SHANK2: variants seen among roughly 807,000 people sequenced by gnomAD.
The protein encoded by SHANK2 is SH3 and multiple ankyrin repeat domains protein 2.
A neutral mutation model predicts 133.7 loss-of-function variants in SHANK2; 43 were observed. That is an observed-to-expected ratio of 0.32 (90% confidence interval 0.25 to 0.41). SHANK2 has a LOEUF of 0.41. SHANK2 is among the 10% of genes least tolerant of loss of function. The pLI is 1.00. For synonymous variants in SHANK2, 1,017 were observed against 952.8 expected (o/e 1.07, Z -1.24); for missense variants, 1,994 against 2,235.8 (o/e 0.89, Z 2.18).
chr11:70,745,081 C>T (rs782053876), intron 14 of SHANK2, among the ~76,000 whole-genome samples: 1 of 152,254 alleles, frequency 6.6e-6, no homozygotes, highest in South Asian at 2.1e-4. Context: ...CGGCCAGGAC[C>T]TCCTCATCAA....
chr11:70,486,696 C>A lies in SHANK2; in HGVS notation c.3597G>T (p.Gly1199=). The A allele has an allele frequency of 6.2e-7, 1 of 1,610,942 alleles. No homozygotes were observed. The highest frequency in any genetic ancestry group is 8.5e-7 in the Non-Finnish European group (1 of 1,179,956). ...GCCCTGTGAGTGGGTGGACATAATT[C>A]CCGGGGCCGGCTGTGCCGCTGCTCG... ...PSASSGTAGP[G]NYVHPLTGRL... Residue 1199 remains glycine, a synonymous_variant, in exon 25 of 26, where the codon GGG becomes GGT. Transcript: ENST00000601538. The surrounding 1 kb of genome is among the most constrained non-coding windows in gnomAD (Gnocchi z 8.0).
chr11:70,673,995 T>C (rs4384400), intron 15 of SHANK2, among the ~76,000 whole-genome samples: 147,674 of 152,360 alleles, frequency 0.97, 71,587 homozygotes, highest in East Asian at 1. Context: ...CTGTTTGGGT[T>C]ATGGGAGTGG....
intron 14 of SHANK2, among the ~76,000 whole-genome samples, chr11:70,701,202 CTA>C (rs1210383185): frequency 1.3e-5 from 2 of 151,910 alleles, no homozygotes; most frequent in Non-Finnish European, 2.9e-5. Flanking sequence ...GAAAAAAAGA[CTA>C]TTTCAGTAAA....
In SHANK2 at chr11:71,075,163, T is replaced by C. The variant is rs928197952; in HGVS notation, c.1025A>G (p.Asn342Ser). The C allele has an allele frequency of 9.1e-5, 20 of 218,654 alleles. No homozygotes were observed. In the East Asian group the frequency reaches 2.0e-3, roughly 22 times the overall value. 13.5% of individuals were successfully genotyped at this position (218,654 alleles called of 1,614,324 possible). A position where few individuals can be genotyped will look rare whatever the true frequency, so the allele number is the denominator to read the frequency against. The change falls in exon 9 of 26, where the codon AAC becomes AGC. Residue 342 changes from asparagine (N) to serine (S), a missense_variant. Transcript: ENST00000601538. ...NTALHICALYNQDSCARVLLF... is the reference protein window; with the variant it reads ...NTALHICALYSQDSCARVLLF... ...TTAAATGCGCTCAGCACTCACCTGG[T>C]TGTAGAGGGCGCAGATGTGCAAGGC...
chr11:70,946,323 A>C (rs376197533), intron 10 of SHANK2, among the ~76,000 whole-genome samples: 3 of 143,022 alleles, frequency 2.1e-5, no homozygotes, highest in Admixed American at 6.9e-5. Context: ...CCACTAACCA[A>C]CACTTCCCAG....
intron 10 of SHANK2, among the ~76,000 whole-genome samples, chr11:71,056,223 G>A (rs1031393855): frequency 1.3e-4 from 20 of 152,298 alleles, no homozygotes; most frequent in African/African-American, 3.4e-4. Context: ...CCTTTCCGGC[G>A]CTGACTGCTG....
chr11:70,774,699 T>A lies in SHANK2; in HGVS notation c.1777+23744A>T, dbSNP rs34662590. On this transcript the variant is annotated intron_variant, in intron 14 of 25. Transcript: ENST00000601538. ...AGAGAGTGGTGATGTTTGCACAATC[T>A]CGTGAATATGCAAAAAGCCACTTAA... Among the ~76,000 whole-genome samples the A allele has an allele frequency of 1.1e-3, 167 of 152,168 alleles. 2 individuals are homozygous for A. Among genetic ancestry groups the A allele is most frequent in the Admixed American group, 2.2e-3 (33 of 15,282 alleles).
chr11:71,059,996 C>G lies in SHANK2; in HGVS notation c.1030-3438G>C, dbSNP rs1314065173. 5.9e-5 allele frequency among the ~76,000 whole-genome samples: 9 copies of G among 152,264 alleles called. No homozygotes were observed. In the East Asian group the frequency reaches 1.4e-3, roughly 23 times the overall value. On this transcript the variant is annotated intron_variant, in intron 9 of 25. Transcript: ENST00000601538. ...CCACAGACCGTGCTGAGTGTTCTGTCCCACTGCCCTACAGGAAGGTCAGGT... is the reference window on the plus strand; with the variant it reads ...CCACAGACCGTGCTGAGTGTTCTGTGCCACTGCCCTACAGGAAGGTCAGGT...
chr11:70,925,228 A>G (rs564204166), intron 10 of SHANK2, among the ~76,000 whole-genome samples: 6 of 152,272 alleles, frequency 3.9e-5, no homozygotes, highest in African/African-American at 1.2e-4. Flanking sequence ...TATATGCCCT[A>G]TTTCATCAGC....
At chr11:71,135,192 C>T (rs527816491) in intron 3 of SHANK2, among the ~76,000 whole-genome samples, 9 of 152,242 alleles carry the variant, frequency 5.9e-5, no homozygotes, top group South Asian at 4.1e-4. Flanking sequence ...CAGCCATTGG[C>T]GCCTCACCCC....
At chr11:70,797,870 C>CACACAG (rs57038260) in intron 14 of SHANK2, among the ~76,000 whole-genome samples, 3 of 151,260 alleles carry the variant, frequency 2.0e-5, no homozygotes, top group African/African-American at 7.3e-5. Flanking sequence ...CACACACACA[C>CACACAG]TCGGTACCAT....
In SHANK2 at chr11:71,062,919, C is replaced by T. The variant is rs1466281915; in HGVS notation, c.1030-6361G>A. Among the ~76,000 whole-genome samples the T allele has an allele frequency of 8.7e-5, 13 of 149,248 alleles. 1 individual carries two copies. Among genetic ancestry groups the T allele is most frequent in the African/African-American group, 2.2e-4 (9 of 40,190 alleles). ...GGCTGAGGCAGGAGGATCTCTTGAG[C>T]CCAAGAGGTCGTGGCTGCAGTGAGC... is the stretch of plus-strand genomic sequence containing the variant. On this transcript the variant is annotated intron_variant, in intron 9 of 25. Transcript: ENST00000601538.
chr11:71,171,236 G>T lies in SHANK2; in HGVS notation c.-12-23898C>A, dbSNP rs375807381. On this transcript the variant is annotated intron_variant, in intron 2 of 25. Transcript: ENST00000601538. ...TTGTCAGGGGGCTGACAGAGTCCCC[G>T]CGATGACAGAGGCTGAAAAGACCTG... Among the ~76,000 whole-genome samples the T allele has an allele frequency of 5.9e-5, 9 of 152,190 alleles. No homozygotes were observed. In the South Asian group the frequency reaches 1.9e-3, roughly 31 times the overall value.
At chr11:70,932,911 G>A (rs535787305) in intron 10 of SHANK2, among the ~76,000 whole-genome samples, 88 of 152,186 alleles carry the variant, frequency 5.8e-4, no homozygotes, top group Non-Finnish European at 1.1e-3. Flanking sequence ...GCACACTGTG[G>A]CTGGGAATGT....
chr11:71,159,723 C>G (rs1396463164), intron 2 of SHANK2, among the ~76,000 whole-genome samples: 1 of 152,188 alleles, frequency 6.6e-6, no homozygotes, highest in Non-Finnish European at 1.5e-5. Flanking sequence ...GTGGCTCATG[C>G]CCGTAATCCC....
intron 11 of SHANK2, among the ~76,000 whole-genome samples, chr11:70,871,116 T>G (rs913965709): frequency 2.0e-5 from 3 of 152,152 alleles, no homozygotes; most frequent in African/African-American, 7.2e-5. Flanking sequence ...TCCTACTGGA[T>G]TAGGGCCCAA....
At chr11:70,631,375 T>TACAC (rs56370058) in intron 17 of SHANK2, 66,085 of 143,126 alleles carry the variant, frequency 0.46, 15,651 homozygotes, top group East Asian at 0.77. Context: ...TTCCCGGAGT[T>TACAC]ACACACACAC....
intron 12 of SHANK2, among the ~76,000 whole-genome samples, chr11:70,815,142 C>A (rs995514502): frequency 1.3e-5 from 2 of 149,798 alleles, no homozygotes; most frequent in Non-Finnish European, 3.0e-5. Flanking sequence ...TCCTACCCTC[C>A]CGGACCAGCA....
chr11:70,761,918 G>GGCTGCTGCT (rs200155164), intron 14 of SHANK2, among the ~76,000 whole-genome samples: 44 of 151,918 alleles, frequency 2.9e-4, no homozygotes, highest in African/African-American at 1.0e-3. Flanking sequence ...GCAAGTTCCC[G>GGCTGCTGCT]GCTGCTGCTG....
Sources: gnomAD v4.1 joint callset for allele counts (sites outside exome capture counted in the v4.1 genomes callset) on GRCh38, gnomAD v4.1.1 for gene constraint, Gnocchi (gnomAD v3.1) non-coding constraint, MANE v1.5 for transcripts, NCBI Gene and HGNC (gene_info 2026-07-23, HGNC 2026-07-21) for gene names.